The following MYO6 variants were observed in gnomAD, a reference collection of about 807,000 sequenced individuals.
MYO6 encodes myosin VI, also known as unconventional myosin-VI.
A neutral mutation model predicts 178.7 loss-of-function variants in MYO6; 74 were observed. The ratio of observed to expected loss-of-function variants is 0.41; its 90% confidence interval spans 0.34 to 0.50. The LOEUF (loss-of-function observed/expected upper bound fraction) is 0.50, where lower values mean the gene tolerates loss of function less well. MYO6 is among the 20% of genes least tolerant of loss of function. MYO6 has a pLI of 0.09. For synonymous variants in MYO6, 477 were observed against 504.6 expected (o/e 0.95, Z 0.73); for missense variants, 1,330 against 1,547.4 (o/e 0.86, Z 2.36).
At chr6:75,761,666 G>C (rs966235326) in intron 1 of MYO6, among the ~76,000 whole-genome samples, 1 of 150,796 alleles carries the variant, frequency 6.6e-6, no homozygotes. Context: ...ATGTGCAACT[G>C]TATACAGAGG....
intron 10 of MYO6, among the ~76,000 whole-genome samples, chr6:75,845,349 C>G (rs1178480109): frequency 1.3e-5 from 2 of 152,106 alleles, no homozygotes; most frequent in African/African-American, 4.8e-5. Context: ...TATTTCAAGG[C>G]TGACGTGAGG....
chr6:75,782,550 C>T (rs1156324050), intron 1 of MYO6, among the ~76,000 whole-genome samples: 1 of 152,096 alleles, frequency 6.6e-6, no homozygotes, highest in African/African-American at 2.4e-5. Context: ...CTAATTTCTT[C>T]CTTGCCTGCT....
chr6:75,881,818 T>C lies in MYO6; in HGVS notation c.2416T>C (p.Leu806=), dbSNP rs1778053801. Residue 806 remains leucine (L), a splice_region_variant and synonymous_variant, in exon 23 of 35, where the codon TTG becomes CTG. Coordinates refer to ENST00000369977, the MANE Select transcript of MYO6 (RefSeq NM_004999.4). ...GTGGTGCTCACTCTCAGTCATCAAA[T>C]GTAGGTGTTTTCCTTTACACCTATA... is the stretch of plus-strand genomic sequence containing the variant. ...VQWCSLSVIK[L]KNKIKYRAEA... 1.2e-6 allele frequency: 2 copies of C among 1,613,400 alleles called. No individual in the cohort carries two copies. The highest frequency in any genetic ancestry group is 1.7e-6 in the Non-Finnish European group (2 of 1,179,580).
intron 1 of MYO6, among the ~76,000 whole-genome samples, chr6:75,794,893 GA>G (rs574230007): frequency 6.9e-4 from 105 of 152,132 alleles, no homozygotes; most frequent in Non-Finnish European, 1.1e-3. Context: ...CTAAACTGAA[GA>G]AAAAAAGGCT....
chr6:75,780,733 A>T (rs929047872), intron 1 of MYO6, among the ~76,000 whole-genome samples: 1 of 152,046 alleles, frequency 6.6e-6, no homozygotes, highest in African/African-American at 2.4e-5. Context: ...ATGATATACT[A>T]TGTTAGATAC....
At chr6:75,770,317 A>G (rs1765743367) in intron 1 of MYO6, among the ~76,000 whole-genome samples, 1 of 152,212 alleles carries the variant, frequency 6.6e-6, no homozygotes, top group South Asian at 2.1e-4. Context: ...CAAGGTAAAA[A>G]CAGACCAACA....
intron 29 of MYO6, among the ~76,000 whole-genome samples, chr6:75,896,328 C>CTG (rs1450204773): frequency 6.6e-6 from 1 of 152,208 alleles, no homozygotes; most frequent in African/African-American, 2.4e-5. Flanking sequence ...GAAAGTGCTT[C>CTG]TGCATAACTG....
In MYO6 at chr6:75,891,319, T is replaced by C. The variant is rs769757536; in HGVS notation, c.2946+13T>C. Reference sequence around the variant, plus strand: ...AAAACGCATTCAAGTATGTACTTACTGGGTTGAATTTCTATTAAAATGGAA... The same window carrying C: ...AAAACGCATTCAAGTATGTACTTACCGGGTTGAATTTCTATTAAAATGGAA... On this transcript the variant is annotated intron_variant, in intron 27 of 34. Transcript: ENST00000369977. The C allele has an allele frequency of 1.3e-6, 2 of 1,583,146 alleles. No homozygotes were observed. Among genetic ancestry groups the C allele is most frequent in the East Asian group, 4.5e-5 (2 of 44,118 alleles).
At position 75,915,351 on chromosome 6, in the gene MYO6, T is replaced by G. The variant is rs1453922835; in HGVS notation, c.*339T>G. ...AGGAAAAGAGAACTTTTTTCAAAAT[T>G]CAAAATACTTTTTAAGGATGGCACA... On this transcript the variant is annotated 3_prime_UTR_variant, in exon 35 of 35. Coordinates refer to ENST00000369977, the MANE Select transcript of MYO6 (RefSeq NM_004999.4). 1 of 353,444 alleles carries G rather than the reference T, an allele frequency of 2.8e-6. No homozygotes were observed. Among genetic ancestry groups the G allele is most frequent in the African/African-American group, 2.1e-5 (1 of 47,478 alleles). 21.9% of individuals were successfully genotyped at this position (353,444 alleles called of 1,614,324 possible). A position where few individuals can be genotyped will look rare whatever the true frequency, so the allele number is the denominator to read the frequency against.
At chr6:75,842,458 T>A (rs1351519794) in intron 9 of MYO6, among the ~76,000 whole-genome samples, 1 of 152,198 alleles carries the variant, frequency 6.6e-6, no homozygotes, top group Non-Finnish European at 1.5e-5. Context: ...ACACACATAA[T>A]TACTGCTCTG....
At chr6:75,769,243 G>A (rs978370987) in intron 1 of MYO6, among the ~76,000 whole-genome samples, 4 of 152,110 alleles carry the variant, frequency 2.6e-5, no homozygotes, top group African/African-American at 7.2e-5. Flanking sequence ...TTTTCACATC[G>A]TAAAATACAA....
chr6:75,914,716 C>T, intron 34 of MYO6, 97 bp from the exon 35 acceptor site: 2 of 1,196,082 alleles, frequency 1.7e-6, no homozygotes, highest in Admixed American at 1.9e-5. Context: ...AGGAAGTTTT[C>T]AAATCTATGA....
chr6:75,804,385 G>A (rs1053500428), intron 1 of MYO6, among the ~76,000 whole-genome samples: 4 of 152,086 alleles, frequency 2.6e-5, no homozygotes, highest in Admixed American at 2.0e-4. Context: ...AGGAGTTGCC[G>A]GTTTAAAACT....
At chr6:75,815,945 C>A (rs1326107318) in intron 1 of MYO6, among the ~76,000 whole-genome samples, 1 of 152,230 alleles carries the variant, frequency 6.6e-6, no homozygotes, top group African/African-American at 2.4e-5. Context: ...ATTTTAGTCT[C>A]ATAGCATCCA....
chr6:75,818,753 G>T (rs942002122), intron 2 of MYO6, among the ~76,000 whole-genome samples: 5 of 152,066 alleles, frequency 3.3e-5, no homozygotes, highest in African/African-American at 1.2e-4. Flanking sequence ...AATGTATAAT[G>T]TGCCATGTTA....
rs368708018 is a variant in MYO6, at chr6:75,891,315, T to C, written c.2946+9T>C. On this transcript the variant is annotated intron_variant, in intron 27 of 34. Coordinates refer to ENST00000369977, the MANE Select transcript of MYO6 (RefSeq NM_004999.4). ...ATGAAAAACGCATTCAAGTATGTAC[T>C]TACTGGGTTGAATTTCTATTAAAAT... The C allele has an allele frequency of 5.7e-6, 9 of 1,589,598 alleles. No individual in the cohort carries two copies. The highest frequency in any genetic ancestry group is 6.9e-6 in the Non-Finnish European group (8 of 1,161,796).
chr6:75,901,214 C>T (rs1192476176), intron 30 of MYO6, among the ~76,000 whole-genome samples: 8 of 151,900 alleles, frequency 5.3e-5, no homozygotes, highest in Non-Finnish European at 5.9e-5. Flanking sequence ...CTTGGCGATG[C>T]GGGCTCTTTT....
At chr6:75,905,048 G>A (rs574261125) in intron 30 of MYO6, among the ~76,000 whole-genome samples, 10 of 152,262 alleles carry the variant, frequency 6.6e-5, no homozygotes, top group African/African-American at 2.4e-4. Context: ...AGGGGTCAGG[G>A]GTCAGGGGCC....
intron 7 of MYO6, among the ~76,000 whole-genome samples, chr6:75,836,320 G>T (rs1380882035): frequency 6.6e-6 from 1 of 152,172 alleles, no homozygotes; most frequent in Non-Finnish European, 1.5e-5. Context: ...TTTGGCATTA[G>T]GTGCTTTTTT....
Sources: gnomAD v4.1 joint callset for allele counts (sites outside exome capture counted in the v4.1 genomes callset) on GRCh38, gnomAD v4.1.1 for gene constraint, MANE v1.5 for transcripts, NCBI Gene and HGNC (gene_info 2026-07-23, HGNC 2026-07-21) for gene names.